Variants in LOXL2 observed in about 807,000 individuals in gnomAD.
LOXL2 encodes lysyl oxidase like 2.
A neutral mutation model predicts 93.0 loss-of-function variants in LOXL2; 70 were observed. The observed-to-expected ratio is 0.75, with a 90% CI of 0.62 to 0.92. The LOEUF is 0.92. Among genes scored for constraint, LOXL2 ranks in the 40% least tolerant of loss-of-function variants. The probability of loss-of-function intolerance (pLI) is 0.00; values close to 1 mark genes in which losing one functional copy is unlikely to be tolerated. For synonymous variants in LOXL2, 438 were observed against 413.2 expected (o/e 1.06, Z -0.73); for missense variants, 973 against 1,054.9 (o/e 0.92, Z 1.08).
At chr8:23,377,885 CTT>C (rs1435046917) in intron 1 of LOXL2, among the ~76,000 whole-genome samples, 1 of 152,132 alleles carries the variant, frequency 6.6e-6, no homozygotes, top group Admixed American at 6.5e-5. Flanking sequence ...GGTCTTGACT[CTT>C]TATCCAATTT....
intron 3 of LOXL2, among the ~76,000 whole-genome samples, chr8:23,345,468 G>T (rs1803955310): frequency 6.6e-6 from 1 of 152,202 alleles, no homozygotes; most frequent in Non-Finnish European, 1.5e-5. Flanking sequence ...GGGAGAGCTG[G>T]GCTCCCAGCA....
chr8:23,356,090 C>A (rs56288820), intron 3 of LOXL2, among the ~76,000 whole-genome samples: 2 of 152,150 alleles, frequency 1.3e-5, no homozygotes, highest in Non-Finnish European at 2.9e-5. Flanking sequence ...ATTTTATACT[C>A]CAGCAATCTC....
chr8:23,303,345 C>T lies in LOXL2; in HGVS notation c.1933G>A (p.Gly645Ser), dbSNP rs765844672. The change falls in exon 11 of 14, where the codon GGC becomes AGC. Residue 645 changes from glycine (G) to serine (S), a missense_variant. Physicochemically the swap from Gly to Ser is moderately conservative, Grantham distance 56 (BLOSUM62 0). Transcript: ENST00000389131. The stretch of plus-strand genomic sequence containing the variant: ...TTGTGGCCCTCTGCCACCTTGGTGC[C>T]ATTGAGGTTCAGCAGGTCATAGTGG... Reference protein sequence around the residue: ...FTHYDLLNLNGTKVAEGHKAS... With the variant: ...FTHYDLLNLNSTKVAEGHKAS... 3.7e-6 allele frequency: 6 copies of T among 1,613,750 alleles called. 1 individual carries two copies. In the South Asian group the frequency reaches 6.6e-5, roughly 18 times the overall value.
At chr8:23,379,839 G>T (rs190432788) in intron 1 of LOXL2, among the ~76,000 whole-genome samples, 11 of 152,276 alleles carry the variant, frequency 7.2e-5, no homozygotes, top group African/African-American at 2.6e-4. Flanking sequence ...CCATCTGTCA[G>T]CCCTTCCCTT....
intron 6 of LOXL2, among the ~76,000 whole-genome samples, 194 bp from the exon 7 acceptor site, chr8:23,322,475 T>TC (rs962620642): frequency 1.2e-4 from 19 of 152,128 alleles, no homozygotes; most frequent in South Asian, 2.1e-4. Context: ...GATTCACTTA[T>TC]CCCCCAAGAG....
At chr8:23,385,466 G>T (rs1427273452) in intron 1 of LOXL2, among the ~76,000 whole-genome samples, 2 of 149,928 alleles carry the variant, frequency 1.3e-5, no homozygotes, top group Non-Finnish European at 3.0e-5. Flanking sequence ...CACCATGTTG[G>T]CTAGACTGGT....
intron 1 of LOXL2, among the ~76,000 whole-genome samples, chr8:23,399,734 A>C (rs1800134105): frequency 6.6e-6 from 1 of 152,206 alleles, no homozygotes; most frequent in African/African-American, 2.4e-5. Flanking sequence ...AAATGGACTA[A>C]AACACCTCCT....
rs577207578 is a variant in LOXL2 at position 23,397,560 on chromosome 8, C to T, written c.-84+6394G>A. ...TTGGGAGGCCCAGGCGGGTGGATCA[C>T]GAGGTCAGGAGATCGAGACCATCCT... is the stretch of plus-strand genomic sequence containing the variant. On this transcript the variant is annotated intron_variant, in intron 1 of 13. Coordinates refer to ENST00000389131, the MANE Select transcript of LOXL2 (RefSeq NM_002318.3). 2.0e-5 allele frequency among the ~76,000 whole-genome samples: 3 copies of T among 152,078 alleles called. No homozygotes were observed. In the East Asian group the frequency reaches 5.8e-4, roughly 29 times the overall value.
intron 3 of LOXL2, chr8:23,341,662 G>A (rs1453651055): frequency 5.0e-6 from 1 of 199,368 alleles, no homozygotes; most frequent in East Asian, 1.2e-4. Context: ...TCATCTTTCA[G>A]TAAAACTTGA....
At chr8:23,327,151 G>A (rs898914997) in intron 6 of LOXL2, among the ~76,000 whole-genome samples, 1 of 152,218 alleles carries the variant, frequency 6.6e-6, no homozygotes, top group African/African-American at 2.4e-5. Context: ...CAACGTCAGG[G>A]CACCCTGTAA....
rs1203247753 is a variant in LOXL2, at chr8:23,328,544, C to T, written c.988G>A (p.Gly330Ser). 1 of 1,613,956 alleles carries T rather than the reference C, an allele frequency of 6.2e-7. No homozygotes were observed. The highest frequency in any genetic ancestry group is 8.5e-7 in the Non-Finnish European group (1 of 1,180,046). Reference protein sequence around the residue: ...KPEQPLVRLRGGAYIGEGRVE... With the variant: ...KPEQPLVRLRSGAYIGEGRVE... Reference sequence around the variant, plus strand: ...CGGCCCTCCCCGATGTAGGCACCGCCTCTCAGTCGCACCAGGGGTTGCTGA... The same window carrying T: ...CGGCCCTCCCCGATGTAGGCACCGCTTCTCAGTCGCACCAGGGGTTGCTGA... Residue 330 changes from glycine to serine, a missense_variant, in exon 6 of 14, where the codon GGC becomes AGC. Physicochemically the swap from Gly to Ser is moderately conservative, Grantham distance 56 (BLOSUM62 0). Coordinates refer to ENST00000389131, the MANE Select transcript of LOXL2 (RefSeq NM_002318.3).
chr8:23,299,602 G>A (rs1274151429), intron 12 of LOXL2, among the ~76,000 whole-genome samples: 1 of 152,200 alleles, frequency 6.6e-6, no homozygotes, highest in Non-Finnish European at 1.5e-5. Flanking sequence ...TGAGGGAACA[G>A]AAAAGGGGAG....
chr8:23,342,002 G>A (rs1023801965), intron 3 of LOXL2, among the ~76,000 whole-genome samples: 11 of 152,166 alleles, frequency 7.2e-5, no homozygotes, highest in Non-Finnish European at 1.3e-4. Context: ...TATCTGTGGA[G>A]TAAAGGACAG....
intron 1 of LOXL2, among the ~76,000 whole-genome samples, chr8:23,383,128 G>A (rs1048591796): frequency 2.0e-5 from 3 of 152,108 alleles, no homozygotes; most frequent in Admixed American, 6.5e-5. Flanking sequence ...TGGCCTTCCC[G>A]TCTTCCATCG....
chr8:23,308,476 T>G (rs1346248389), intron 10 of LOXL2, among the ~76,000 whole-genome samples: 5 of 152,222 alleles, frequency 3.3e-5, no homozygotes, highest in South Asian at 2.1e-4. Context: ...AGGCCACGCC[T>G]GTAGCCCCTC....
chr8:23,308,047 C>T (rs180698199), intron 10 of LOXL2, among the ~76,000 whole-genome samples: 56 of 151,046 alleles, frequency 3.7e-4, no homozygotes, highest in African/African-American at 1.2e-3. Context: ...CAGACAGGCC[C>T]GAGCCGGGAT....
At chr8:23,302,228 C>T in intron 11 of LOXL2, 65 bp from the exon 12 acceptor site, 1 of 1,597,510 alleles carries the variant, frequency 6.3e-7, no homozygotes, top group Non-Finnish European at 8.6e-7. Flanking sequence ...CACCCTCTTC[C>T]TGCTTCCAAG....
intron 9 of LOXL2, 126 bp downstream of exon 9, chr8:23,316,823 T>C (rs1803410388): frequency 1.0e-6 from 1 of 993,324 alleles, no homozygotes; most frequent in Non-Finnish European, 1.4e-6. Flanking sequence ...TTTTCTCCCT[T>C]AGGATTTCAT....
chr8:23,309,966 T>C (rs1803297142), intron 9 of LOXL2, 55 bp from the exon 10 acceptor site: 2 of 1,402,024 alleles, frequency 1.4e-6, no homozygotes, highest in Non-Finnish European at 1.9e-6. Context: ...CCAGGGCTTC[T>C]ACTTCTGATT....
Sources: gnomAD v4.1 joint callset for allele counts (sites outside exome capture counted in the v4.1 genomes callset) on GRCh38, gnomAD v4.1.1 for gene constraint, MANE v1.5 for transcripts, NCBI Gene and HGNC (gene_info 2026-07-23, HGNC 2026-07-21) for gene names.